ILRUN: variants seen among roughly 807,000 people sequenced by gnomAD.
ILRUN encodes inflammation and lipid regulator with UBA-like and NBR1-like domains.
In ILRUN, 3 loss-of-function variants were observed where a neutral mutation model predicts 33.8. The observed-to-expected ratio is 0.09, with a 90% confidence interval of 0.04 to 0.23. The LOEUF (loss-of-function observed/expected upper bound fraction) is 0.23. ILRUN is among the 10% of genes least tolerant of loss of function. The probability of loss-of-function intolerance (pLI) is 1.00; values close to 1 mark genes in which losing one functional copy is unlikely to be tolerated. For missense variants in ILRUN, 210 were observed against 375.1 expected, an observed-to-expected ratio of 0.56 and a Z score of 3.64; for synonymous variants, 124 against 138.9, an observed-to-expected ratio of 0.89 and a Z score of 0.75.
intron 3 of ILRUN, chr6:34,617,209 G>T (rs1410958028): frequency 6.4e-6 from 3 of 470,142 alleles, no homozygotes; most frequent in Non-Finnish European, 1.3e-5. Flanking sequence ...GGTGGAGATG[G>T]TGGCAACAGG....
chr6:34,649,132 T>C (rs1762611759), intron 2 of ILRUN, among the ~76,000 whole-genome samples: 1 of 152,180 alleles, frequency 6.6e-6, no homozygotes, highest in African/African-American at 2.4e-5. Context: ...GCTAGAAGAG[T>C]TATCCACCAA....
At chr6:34,624,192 T>C (rs1192615752) in intron 3 of ILRUN, among the ~76,000 whole-genome samples, 1 of 152,170 alleles carries the variant, frequency 6.6e-6, no homozygotes, top group Non-Finnish European at 1.5e-5. Flanking sequence ...TGGTACATCT[T>C]GATATCTGTG....
intron 3 of ILRUN, among the ~76,000 whole-genome samples, chr6:34,622,581 C>G (rs1343185065): frequency 6.6e-6 from 1 of 151,816 alleles, no homozygotes; most frequent in Non-Finnish European, 1.5e-5. Flanking sequence ...AAAGCTTTTG[C>G]TTCCTAGAGA....
At chr6:34,626,663 G>A (rs2744962) in intron 3 of ILRUN, among the ~76,000 whole-genome samples, 37,588 of 151,966 alleles carry the variant, frequency 0.25, 4,745 homozygotes, top group East Asian at 0.32. Context: ...ACTCTATGTC[G>A]TACATTCTAC....
In ILRUN at chr6:34,679,333, A is replaced by G. The variant is rs540519505; in HGVS notation, c.158+17113T>C. On this transcript the variant is annotated intron_variant, in intron 1 of 4. Coordinates refer to ENST00000374023, the MANE Select transcript of ILRUN (RefSeq NM_024294.4). Reference sequence around the variant, plus strand: ...TTATGAGGTGTAAGACAATTTGGCAATTAAGTATTAAGAGCATTAAAAGCC... The same window carrying G: ...TTATGAGGTGTAAGACAATTTGGCAGTTAAGTATTAAGAGCATTAAAAGCC... Among the ~76,000 whole-genome samples the G allele has an allele frequency of 3.3e-5, 5 of 152,338 alleles. No homozygotes were observed. The East Asian group carries it at 7.7e-4, about 23-fold the overall frequency.
At chr6:34,614,519 A>T (rs1234710176) in intron 3 of ILRUN, among the ~76,000 whole-genome samples, 4 of 146,276 alleles carry the variant, frequency 2.7e-5, no homozygotes, top group Admixed American at 6.8e-5. Context: ...ATATATATAT[A>T]TTCATGGATC....
At chr6:34,660,260 G>A (rs763144728) in intron 1 of ILRUN, among the ~76,000 whole-genome samples, 5 of 151,560 alleles carry the variant, frequency 3.3e-5, no homozygotes, top group South Asian at 2.1e-4. Flanking sequence ...CTGAGACTGC[G>A]CCACTGCACT....
At chr6:34,634,670 A>G (rs1762319330) in intron 3 of ILRUN, among the ~76,000 whole-genome samples, 1 of 152,234 alleles carries the variant, frequency 6.6e-6, no homozygotes, top group Non-Finnish European at 1.5e-5. Flanking sequence ...AAACAACTCT[A>G]TGAACATAAA....
rs369638409 is a variant in ILRUN, at chr6:34,696,485, T to C, written c.119A>G (p.Asn40Ser). 3.4e-5 allele frequency: 54 copies of C among 1,608,984 alleles called. No individual in the cohort carries two copies. The highest frequency in any genetic ancestry group is 4.2e-5 in the Non-Finnish European group (50 of 1,178,234). Residue 40 changes from asparagine (N) to serine (S), a missense_variant, in exon 1 of 5, where the codon AAT becomes AGT. Physicochemically the swap from Asn to Ser is conservative, Grantham distance 46. Coordinates refer to ENST00000374023, the MANE Select transcript of ILRUN (RefSeq NM_024294.4). The stretch of plus-strand genomic sequence containing the variant: ...CAGGAAGAAGGCGCAACCGGCAGGA[T>C]TGAGCTGGAAGCCGAGCAGCCTCTG... ...EFQRLLGFQL[N>S]PAGCAFFLDM...
At chr6:34,602,439 T>C (rs1761529671) in intron 4 of ILRUN, among the ~76,000 whole-genome samples, 1 of 152,228 alleles carries the variant, frequency 6.6e-6, no homozygotes, top group Non-Finnish European at 1.5e-5. Flanking sequence ...TCCACATCTC[T>C]GTGAATTGTT....
At position 34,654,656 on chromosome 6, in the gene ILRUN, C is replaced by A; in HGVS notation, c.282G>T (p.Gln94His). Reference protein sequence around the residue: ...GEGESIPPDTQFVKTWRIQNS... With the variant: ...GEGESIPPDTHFVKTWRIQNS... ...TCTGGATCCGCCATGTTTTTACAAA[C>A]TGAGTATCCGGAGGTATTGACTCCC... Residue 94 changes from glutamine to histidine, a missense_variant, in exon 2 of 5, where the codon CAG becomes CAT. By Grantham distance (24) the Gln-to-His change is conservative. Transcript: ENST00000374023. The A allele has an allele frequency of 6.2e-7, 1 of 1,612,642 alleles. No individual in the cohort carries two copies.
chr6:34,667,090 TGA>T (rs1219489801), intron 1 of ILRUN, among the ~76,000 whole-genome samples: 1 of 151,992 alleles, frequency 6.6e-6, no homozygotes. Context: ...TACTAAAAAC[TGA>T]GAGGAAAAAA....
intron 3 of ILRUN, among the ~76,000 whole-genome samples, chr6:34,635,592 G>A: frequency 7.0e-6 from 1 of 141,934 alleles, no homozygotes; most frequent in Non-Finnish European, 1.5e-5. Flanking sequence ...AGGGAGGGAG[G>A]AAAAGAAACT....
chr6:34,696,399 G>A (rs1291505481), intron 1 of ILRUN, 47 bp downstream of exon 1: 2 of 1,524,222 alleles, frequency 1.3e-6, no homozygotes, highest in Non-Finnish European at 1.8e-6. Context: ...CTTCCCCTCG[G>A]GGCCCCCGAG....
Position 34,634,545 on chromosome 6 carries a change from TAAAATTGGG to T in ILRUN, c.511+12047_511+12055del, listed in dbSNP as rs144510217. 2.9e-4 allele frequency among the ~76,000 whole-genome samples: 44 copies of T among 151,598 alleles called. No individual in the cohort carries two copies. The East Asian group carries it at 7.8e-3, about 27-fold the overall frequency. On this transcript the variant is annotated intron_variant, in intron 3 of 4. Coordinates refer to ENST00000374023, the MANE Select transcript of ILRUN (RefSeq NM_024294.4). ...GAAGCTGATTCTTTTCAAAGACCAATAAAATTGGGAAATCTATCAAAAGAAAGAAAAAGA... is the reference window on the plus strand; with the variant it reads ...GAAGCTGATTCTTTTCAAAGACCAATAAATCTATCAAAAGAAAGAAAAAGA...
At chr6:34,672,483 G>A (rs370517761) in intron 1 of ILRUN, among the ~76,000 whole-genome samples, 1 of 152,066 alleles carries the variant, frequency 6.6e-6, no homozygotes, top group Non-Finnish European at 1.5e-5. Context: ...GGAGGCTGAG[G>A]TGGGAGGATC....
chr6:34,683,417 T>TACAC (rs1387850355), intron 1 of ILRUN, among the ~76,000 whole-genome samples: 1 of 74,728 alleles, frequency 1.3e-5, no homozygotes, highest in African/African-American at 1.0e-4. Context: ...CATATATATA[T>TACAC]ACATATATAT....
chr6:34,693,009 T>C (rs567756420), intron 1 of ILRUN, among the ~76,000 whole-genome samples: 11 of 152,130 alleles, frequency 7.2e-5, no homozygotes, highest in African/African-American at 2.7e-4. Flanking sequence ...ATCTGGGAGG[T>C]TGAGGCTGTA....
intron 4 of ILRUN, among the ~76,000 whole-genome samples, chr6:34,595,044 T>C (rs1761373333): frequency 6.6e-6 from 1 of 152,188 alleles, no homozygotes; most frequent in Non-Finnish European, 1.5e-5. Context: ...TAGAGAACAT[T>C]TACAGACATA....
Sources: gnomAD v4.1 joint callset for allele counts (sites outside exome capture counted in the v4.1 genomes callset) on GRCh38, gnomAD v4.1.1 for gene constraint, MANE v1.5 for transcripts, NCBI Gene and HGNC (gene_info 2026-07-23, HGNC 2026-07-21) for gene names.